FBRS: variants seen among roughly 807,000 people sequenced by gnomAD.
The protein encoded by FBRS is fibrosin, also known as probable fibrosin-1.
A neutral mutation model predicts 86.1 loss-of-function variants in FBRS; 15 were observed. The observed-to-expected ratio is 0.17, with a 90% confidence interval of 0.12 to 0.27. The LOEUF (loss-of-function observed/expected upper bound fraction) is 0.27. Ranked by LOEUF, FBRS falls within the 10% of genes least tolerant of loss-of-function variation. The pLI is 1.00. For synonymous variants in FBRS, 666 were observed against 575.8 expected (o/e 1.16, Z -2.24); for missense variants, 1,367 against 1,301.6 (o/e 1.05, Z -0.77).
intron 6 of FBRS, chr16:30,663,240 G>C (rs901137336): frequency 1.1e-5 from 2 of 188,648 alleles, no homozygotes; most frequent in Non-Finnish European, 2.2e-5. Flanking sequence ...TTTTTGACAA[G>C]TCACTTAACC....
In FBRS at chr16:30,669,234, CGCCGCCGCAGCA is replaced by C. The variant is rs745605107; in HGVS notation, c.2536_2547del (p.Ala846_Ala849del). Reference sequence around the variant, plus strand: ...CCGCTGCTGCTGCCGCCGCCGCTGCCGCCGCCGCAGCAGCCACTGGGCCCCAGGGCCTTCACC... The same window carrying C: ...CCGCTGCTGCTGCCGCCGCCGCTGCCGCCACTGGGCCCCAGGGCCTTCACC... On this transcript the variant is annotated inframe_deletion, in exon 18 of 18. Coordinates refer to ENST00000356166, the MANE Select transcript of FBRS (RefSeq NM_001105079.3). This position sits in a 1 kb window ranked among gnomAD's most constrained non-coding sequence, Gnocchi z 5.9. 5 of 1,549,250 alleles carry C rather than the reference CGCCGCCGCAGCA, an allele frequency of 3.2e-6. No homozygotes were observed. The South Asian group carries it at 3.5e-5, about 11-fold the overall frequency.
chr16:30,663,646 G>A (rs1370197277), intron 6 of FBRS, among the ~76,000 whole-genome samples: 1 of 152,192 alleles, frequency 6.6e-6, no homozygotes, highest in African/African-American at 2.4e-5. Context: ...TAAAGCAGGT[G>A]CCAGCACTTG....
At chr16:30,664,685 A>G in intron 7 of FBRS, 30 bp from the exon 8 acceptor site, 2 of 1,487,080 alleles carry the variant, frequency 1.3e-6, no homozygotes, top group Non-Finnish European at 1.8e-6. Context: ...TGGCGACAGC[A>G]TTAAAGCCTT....
intron 3 of FBRS, 43 bp downstream of exon 3, chr16:30,661,258 T>C: frequency 6.4e-7 from 1 of 1,550,908 alleles, no homozygotes; most frequent in Non-Finnish European, 8.7e-7. Context: ...TGCTCCACCC[T>C]GGGCCTCTTC....
chr16:30,660,084 C>G (rs2151265324), intron 1 of FBRS, 107 bp downstream of exon 1: 2 of 1,454,868 alleles, frequency 1.4e-6, no homozygotes, highest in Admixed American at 2.6e-5. Context: ...GCACCCCAAA[C>G]CAGAGCAACC....
At position 30,665,375 on chromosome 16, in the gene FBRS, T is replaced by C; in HGVS notation, c.1678T>C (p.Ser560Pro). 6.4e-7 allele frequency: 1 copy of C among 1,570,850 alleles called. No individual in the cohort carries two copies. Among genetic ancestry groups the C allele is most frequent in the Non-Finnish European group, 8.6e-7 (1 of 1,158,448 alleles). Residue 560 changes from serine to proline, a missense_variant, in exon 10 of 18, where the codon TCC becomes CCC. This residue lies in a region of FBRS where 659 missense variants were observed against 678.8 expected (regional missense o/e 0.97). Transcript: ENST00000356166. This position sits in a 1 kb window ranked among gnomAD's most constrained non-coding sequence, Gnocchi z 4.1. Reference protein sequence around the residue: ...PGLPPAVSFGSLQGAFQPKST... With the variant: ...PGLPPAVSFGPLQGAFQPKST... ...CCTCCCGCCGGCCGTCTCCTTTGGC[T>C]CCCTGCAGGGGGCCTTCCAGCCCAA...
intron 4 of FBRS, 135 bp from the exon 5 acceptor site, chr16:30,662,285 G>A (rs1309654670): frequency 1.5e-6 from 2 of 1,350,440 alleles, no homozygotes; most frequent in Non-Finnish European, 2.0e-6. Context: ...AGTCTTTGAT[G>A]GATCTCAGCT....
At chr16:30,660,767 C>G (rs1198891389) in intron 2 of FBRS, among the ~76,000 whole-genome samples, 2 of 152,164 alleles carry the variant, frequency 1.3e-5, no homozygotes, top group South Asian at 2.1e-4. Context: ...AAATAGCCAG[C>G]AAGCAAACAC....
rs2052522425 is a variant in FBRS at position 30,666,421 on chromosome 16, G to A, written c.1774-91G>A. The A allele has an allele frequency of 3.3e-6, 5 of 1,533,386 alleles. No homozygotes were observed. The Admixed American group carries it at 5.0e-5, about 15-fold the overall frequency. The allele number at this position is 1,533,386 out of a possible 1,614,324, so 95.0% of individuals were successfully genotyped here. A position where few individuals can be genotyped will look rare whatever the true frequency, so the allele number is the denominator to read the frequency against. ...GAGGGAGTCCCAGTGTCTCAGGCAT[G>A]TTGGGGGTGAGTGGATGCTGTGGAG... is the stretch of plus-strand genomic sequence containing the variant. On this transcript the variant is annotated intron_variant, in intron 11 of 17. Transcript: ENST00000356166.
chr16:30,662,497 A>G (rs1220140398), intron 5 of FBRS, 29 bp downstream of exon 5: 1 of 1,550,592 alleles, frequency 6.4e-7, no homozygotes, highest in African/African-American at 1.4e-5. Context: ...GGCTGGAGGC[A>G]CGGGAGGGCA....
At position 30,664,251 on chromosome 16, in the gene FBRS, C is replaced by T. The variant is rs759885328; in HGVS notation, c.1092C>T (p.Pro364=). ...SRPPPKAPAP[P]VAQPPPSSSS... ...CGCCCCCCAAGGCCCCGGCCCCTCC[C>T]GTGGCTCAGCCTCCCCCCTCATCAT... The change falls in exon 7 of 18, where the codon CCC becomes CCT. Residue 364 remains proline (P), a synonymous_variant. Transcript: ENST00000356166. 7.5e-6 allele frequency: 11 copies of T among 1,475,818 alleles called. No individual in the cohort carries two copies. Among genetic ancestry groups the T allele is most frequent in the South Asian group, 4.0e-5 (3 of 74,210 alleles). 91.4% of individuals were successfully genotyped at this position (1,475,818 alleles called of 1,614,324 possible).
In FBRS at chr16:30,669,289, C is replaced by A; in HGVS notation, c.2587C>A (p.Arg863=). 1 of 1,580,952 alleles carries A rather than the reference C, an allele frequency of 6.3e-7. No homozygotes were observed. Among genetic ancestry groups the A allele is most frequent in the Non-Finnish European group, 8.6e-7 (1 of 1,164,360 alleles). ...QGLHLLFERP[R]PPPFLGPSPP... ...CCTTCACCTGCTGTTTGAGAGGCCCCGGCCGCCCCCGTTTCTGGGCCCTAG... is the reference window on the plus strand; with the variant it reads ...CCTTCACCTGCTGTTTGAGAGGCCCAGGCCGCCCCCGTTTCTGGGCCCTAG... The change falls in exon 18 of 18, where the codon CGG becomes AGG. Residue 863 remains arginine, a synonymous_variant. Coordinates refer to ENST00000356166, the MANE Select transcript of FBRS (RefSeq NM_001105079.3). The surrounding 1 kb of genome is among the most constrained non-coding windows in gnomAD (Gnocchi z 5.9).
chr16:30,667,811 G>T lies in FBRS; in HGVS notation c.2074+189G>T. 3 of 505,854 alleles carry T rather than the reference G, an allele frequency of 5.9e-6. No individual in the cohort carries two copies. In the South Asian group the frequency reaches 1.1e-4, roughly 19 times the overall value. The allele number at this position is 505,854 out of a possible 1,614,324, so 31.3% of individuals were successfully genotyped here. A position where few individuals can be genotyped will look rare whatever the true frequency, so the allele number is the denominator to read the frequency against. ...TGTAAAATGAGTAGGGAAGGGCAGG[G>T]TGACTTCAGTCTCTGCCAGCTGGAG... On this transcript the variant is annotated intron_variant, in intron 15 of 17. Transcript: ENST00000356166.
chr16:30,660,100 C>T (rs1015042827), intron 1 of FBRS, 123 bp downstream of exon 1: 3 of 1,445,014 alleles, frequency 2.1e-6, no homozygotes, highest in Admixed American at 2.8e-5. Context: ...CAACCGGCTC[C>T]TCTGGCCAGG....
intron 16 of FBRS, 22 bp downstream of exon 16, chr16:30,668,665 T>TGGGGCG: frequency 2.7e-6 from 4 of 1,456,698 alleles, no homozygotes; most frequent in Non-Finnish European, 1.9e-6. Context: ...TGCGGTGGGG[T>TGGGGCG]GGGGGGGCTG....
chr16:30,660,667 A>T (rs537689489), intron 2 of FBRS: 2 of 677,200 alleles, frequency 3.0e-6, no homozygotes, highest in African/African-American at 3.7e-5. Flanking sequence ...CGTTTTGATA[A>T]TTCAGAGAGG....
In FBRS at chr16:30,669,876, G is replaced by A. The variant is rs545216662; in HGVS notation, c.*231G>A. On this transcript the variant is annotated 3_prime_UTR_variant, in exon 18 of 18. Coordinates refer to ENST00000356166, the MANE Select transcript of FBRS (RefSeq NM_001105079.3). This position sits in a 1 kb window ranked among gnomAD's most constrained non-coding sequence, Gnocchi z 5.9. Reference sequence around the variant, plus strand: ...CAGCCTCTAGAGAAGGGAGAGGGGCGTGTGCATGGGAGTGTGGCTCATCTC... The same window carrying A: ...CAGCCTCTAGAGAAGGGAGAGGGGCATGTGCATGGGAGTGTGGCTCATCTC... The A allele has an allele frequency of 3.3e-5, 21 of 630,948 alleles. No homozygotes were observed. Among genetic ancestry groups the A allele is most frequent in the Non-Finnish European group, 4.4e-5 (16 of 367,646 alleles). The allele number at this position is 630,948 out of a possible 1,614,324, so 39.1% of individuals were successfully genotyped here. A position where few individuals can be genotyped will look rare whatever the true frequency, so the allele number is the denominator to read the frequency against.
rs758283439 is a variant in FBRS at position 30,664,341 on chromosome 16, G to A, written c.1182G>A (p.Pro394=). Reference sequence around the variant, plus strand: ...CCGCGCAGCTCACCCACCGGCCCCCGACGCCCTCACTGCCCCTGCCTTTGT... The same window carrying A: ...CCGCGCAGCTCACCCACCGGCCCCCAACGCCCTCACTGCCCCTGCCTTTGT... ...SSSAQLTHRP[P]TPSLPLPLST... Residue 394 remains proline (P), a synonymous_variant, in exon 7 of 18, where the codon CCG becomes CCA. Transcript: ENST00000356166. 9.7e-6 allele frequency: 14 copies of A among 1,450,110 alleles called. No individual in the cohort carries two copies. The highest frequency in any genetic ancestry group is 1.8e-4 in the Middle Eastern group (1 of 5,624). The allele number at this position is 1,450,110 out of a possible 1,614,324, so 89.8% of individuals were successfully genotyped here.
chr16:30,669,869 G>A lies in FBRS; in HGVS notation c.*224G>A. 1 of 646,028 alleles carries A rather than the reference G, an allele frequency of 1.5e-6. No homozygotes were observed. Among genetic ancestry groups the A allele is most frequent in the African/African-American group, 1.8e-5 (1 of 54,740 alleles). The allele number at this position is 646,028 out of a possible 1,614,324, so 40.0% of individuals were successfully genotyped here. The stretch of plus-strand genomic sequence containing the variant: ...GAGGTCACAGCCTCTAGAGAAGGGA[G>A]AGGGGCGTGTGCATGGGAGTGTGGC... On this transcript the variant is annotated 3_prime_UTR_variant, in exon 18 of 18. Coordinates refer to ENST00000356166, the MANE Select transcript of FBRS (RefSeq NM_001105079.3). The surrounding 1 kb of genome is among the most constrained non-coding windows in gnomAD (Gnocchi z 5.9).
Sources: gnomAD v4.1 joint callset for allele counts (sites outside exome capture counted in the v4.1 genomes callset) on GRCh38, gnomAD v4.1.1 for gene constraint, gnomAD v4.1.1 regional missense constraint, Gnocchi (gnomAD v3.1) non-coding constraint, MANE v1.5 for transcripts, NCBI Gene and HGNC (gene_info 2026-07-23, HGNC 2026-07-21) for gene names.